The following DYNLRB1 variants were observed in gnomAD, a reference collection of about 807,000 sequenced individuals.
The protein encoded by DYNLRB1 is ROBL/LC7-like 1.
In DYNLRB1, 6 loss-of-function variants were observed where a neutral mutation model predicts 13.5. The ratio of observed to expected loss-of-function variants is 0.44; its 90% CI spans 0.24 to 0.88. The LOEUF (loss-of-function observed/expected upper bound fraction) is 0.88. Ranked by LOEUF, DYNLRB1 falls within the 40% of genes least tolerant of loss-of-function variation. DYNLRB1 has a pLI of 0.21. For missense variants in DYNLRB1, 93 were observed against 127.2 expected (o/e 0.73, Z 1.29); for synonymous variants, 43 against 45.0 (o/e 0.96, Z 0.18).
intron 2 of DYNLRB1, among the ~76,000 whole-genome samples, chr20:34,532,523 G>C (rs1422753974): frequency 6.6e-6 from 1 of 151,626 alleles, no homozygotes; most frequent in Non-Finnish European, 1.5e-5. Context: ...GGAATGCGAG[G>C]GTGGGCAGAA....
At chr20:34,524,607 T>C (rs929492468) in intron 1 of DYNLRB1, among the ~76,000 whole-genome samples, 1 of 152,196 alleles carries the variant, frequency 6.6e-6, no homozygotes, top group Admixed American at 6.5e-5. Context: ...AGTGAGTGTG[T>C]TGACTGACAT....
intron 1 of DYNLRB1, among the ~76,000 whole-genome samples, chr20:34,522,469 C>CTTTTTTTTTTTTTTTTTTTTTTTT (rs771811577): frequency 1.9e-3 from 146 of 77,208 alleles, no homozygotes; most frequent in Non-Finnish European, 2.1e-3. Context: ...TTTTCTTTTT[C>CTTTTTTTTTTTTTTTTTTTTTTTT]TTTTTTTTTT....
intron 2 of DYNLRB1, among the ~76,000 whole-genome samples, chr20:34,527,824 A>G (rs1980352685): frequency 1.3e-5 from 2 of 152,174 alleles, no homozygotes. Context: ...CTTCCCTTGG[A>G]GAGACTGCCT....
At chr20:34,539,850 G>A (rs992703758) in intron 3 of DYNLRB1, among the ~76,000 whole-genome samples, 8 of 151,792 alleles carry the variant, frequency 5.3e-5, no homozygotes, top group African/African-American at 1.9e-4. Flanking sequence ...TGTGCCTGTA[G>A]TCCCAGCTAC....
intron 1 of DYNLRB1, among the ~76,000 whole-genome samples, chr20:34,522,838 C>T (rs1979864745): frequency 6.6e-6 from 1 of 152,186 alleles, no homozygotes; most frequent in Non-Finnish European, 1.5e-5. Flanking sequence ...ATCACCTAAA[C>T]CTTAGCTCTT....
intron 3 of DYNLRB1, among the ~76,000 whole-genome samples, chr20:34,536,653 GAGA>G (rs1469480065): frequency 6.6e-6 from 1 of 151,556 alleles, no homozygotes; most frequent in African/African-American, 2.4e-5. Flanking sequence ...GCTGAGGCAG[GAGA>G]ATCACTTGAA....
chr20:34,536,702 G>C (rs1182666202), intron 3 of DYNLRB1, among the ~76,000 whole-genome samples: 1 of 146,528 alleles, frequency 6.8e-6, no homozygotes, highest in African/African-American at 2.5e-5. Flanking sequence ...CTGAGATCGC[G>C]CCACTGCACT....
Position 34,534,674 on chromosome 20 carries a change from T to C in DYNLRB1, c.126T>C (p.Tyr42=), listed in dbSNP as rs1264551605. 1.3e-6 allele frequency: 2 copies of C among 1,596,638 alleles called. No individual in the cohort carries two copies. The highest frequency in any genetic ancestry group is 1.7e-6 in the Non-Finnish European group (2 of 1,170,756). The change falls in exon 3 of 4, where the codon TAT becomes TAC. Residue 42 remains tyrosine, a synonymous_variant. Coordinates refer to ENST00000357156, the MANE Select transcript of DYNLRB1 (RefSeq NM_014183.4). Reference sequence around the variant, plus strand: ...TGGACAACCCCACCACCACCCAGTATGCCAGCCTCATGCACAGCTTCATCC... The same window carrying C: ...TGGACAACCCCACCACCACCCAGTACGCCAGCCTCATGCACAGCTTCATCC... ...STMDNPTTTQ[Y]ASLMHSFILK... is the part of the protein sequence containing the mutation.
chr20:34,517,627 CTTT>C (rs60155819), intron 1 of DYNLRB1, among the ~76,000 whole-genome samples: 4 of 120,402 alleles, frequency 3.3e-5, no homozygotes, highest in Admixed American at 9.1e-5. Flanking sequence ...TTCATTATTT[CTTT>C]TTTTTTTTTT....
intron 1 of DYNLRB1, among the ~76,000 whole-genome samples, chr20:34,517,934 G>A (rs1300361544): frequency 2.6e-5 from 4 of 152,072 alleles, no homozygotes; most frequent in African/African-American, 4.8e-5. Flanking sequence ...ACCACGCCTG[G>A]CCCACATTTT....
chr20:34,529,248 G>GC lies in DYNLRB1; in HGVS notation c.79+2911dup, dbSNP rs536703709. ...AGGTCAGGCCATGCCCGGTTGCGGG[G>GC]CCCCCCAAATTCTCTAGCCCAGTGT... On this transcript the variant is annotated intron_variant, in intron 2 of 3. Transcript: ENST00000357156. 4.6e-3 allele frequency among the ~76,000 whole-genome samples: 707 copies of GC among 152,306 alleles called. 5 individuals are homozygous for GC. Among genetic ancestry groups the GC allele is most frequent in the African/African-American group, 0.016 (671 of 41,568 alleles).
intron 2 of DYNLRB1, chr20:34,530,111 C>A: frequency 8.1e-7 from 1 of 1,232,026 alleles, no homozygotes; most frequent in Non-Finnish European, 1.0e-6. Flanking sequence ...CCAACAGCCC[C>A]AGCTGTGACC....
chr20:34,537,743 GC>G (rs941020406), intron 3 of DYNLRB1, among the ~76,000 whole-genome samples: 1 of 152,196 alleles, frequency 6.6e-6, no homozygotes, highest in African/African-American at 2.4e-5. Flanking sequence ...CGTAGAGCAG[GC>G]CTGGCTGCTG....
intron 3 of DYNLRB1, 127 bp downstream of exon 3, chr20:34,534,922 G>A (rs1420199082): frequency 2.6e-6 from 4 of 1,538,440 alleles, no homozygotes; most frequent in Non-Finnish European, 3.5e-6. Flanking sequence ...TGAAGGAATT[G>A]GGTTGTTGCC....
In DYNLRB1 at chr20:34,538,124, A is replaced by ATTT. The variant is rs538105358; in HGVS notation, c.248-2436_248-2434dup. Among the ~76,000 whole-genome samples the ATTT allele has an allele frequency of 2.9e-3, 230 of 80,060 alleles. 14 individuals are homozygous for ATTT. Among genetic ancestry groups the ATTT allele is most frequent in the African/African-American group, 8.9e-3 (169 of 19,054 alleles). 52.5% of individuals were successfully genotyped at this position (80,060 alleles called of 152,430 possible). On this transcript the variant is annotated intron_variant, in intron 3 of 3. Transcript: ENST00000357156. ...ACAGGCATGTGTCGCCACACCCAGC[A>ATTT]TTTTTTTTTTTTTTTTTTTTTTTGG...
chr20:34,540,480 T>C, intron 3 of DYNLRB1, 101 bp from the exon 4 acceptor site: 1 of 1,122,512 alleles, frequency 8.9e-7, no homozygotes, highest in South Asian at 1.4e-5. Context: ...TTTCTCCCCT[T>C]CCTCATTTTA....
At chr20:34,527,640 A>G (rs1354626984) in intron 2 of DYNLRB1, among the ~76,000 whole-genome samples, 2 of 152,220 alleles carry the variant, frequency 1.3e-5, no homozygotes, top group Non-Finnish European at 2.9e-5. Flanking sequence ...AGTCTAATTT[A>G]TTAGAGCCAA....
intron 3 of DYNLRB1, chr20:34,536,614 G>A (rs1007781469): frequency 1.2e-4 from 41 of 335,106 alleles, no homozygotes; most frequent in African/African-American, 7.6e-4. Context: ...GCATGGTGGC[G>A]CACACCTGTA....
At chr20:34,530,071 A>AT in intron 2 of DYNLRB1, 2 of 1,240,564 alleles carry the variant, frequency 1.6e-6, no homozygotes, top group Non-Finnish European at 2.0e-6. Context: ...GGGACTGGAC[A>AT]TTTTGACTCC....
Sources: allele counts gnomAD v4.1 joint callset (sites outside exome capture counted in the v4.1 genomes callset), GRCh38; gene constraint gnomAD v4.1.1; transcripts MANE v1.5; gene names NCBI Gene and HGNC (gene_info 2026-07-23, HGNC 2026-07-21).